The following GARNL3 variants were observed in gnomAD, a reference collection of about 807,000 sequenced individuals.
The protein encoded by GARNL3 is GTPase activating Rap/RanGAP domain like 3, also known as GTPase-activating Rap/Ran-GAP domain-like protein 3.
A neutral mutation model predicts 125.0 loss-of-function variants in GARNL3; 63 were observed. That is an observed-to-expected ratio of 0.50 (90% CI 0.41 to 0.62). The LOEUF is 0.62. Among genes scored for constraint, GARNL3 ranks in the 20% least tolerant of loss-of-function variants. The probability of loss-of-function intolerance (pLI) is 0.00; values close to 1 mark genes in which losing one functional copy is unlikely to be tolerated. For missense variants in GARNL3, 994 were observed against 1,244.0 expected (o/e 0.80, Z 3.02); for synonymous variants, 439 against 457.5 (o/e 0.96, Z 0.52).
chr9:127,333,217 G>A (rs1829362757), intron 9 of GARNL3, 96 bp downstream of exon 9: 1 of 938,180 alleles, frequency 1.1e-6, no homozygotes, highest in African/African-American at 1.6e-5. Context: ...AGGGGGAAGG[G>A]ATGGATGAGA....
Position 127,383,430 on chromosome 9 carries a change from C to T in GARNL3, c.2162-8C>T, listed in dbSNP as rs758165110. 4.4e-6 allele frequency: 7 copies of T among 1,575,830 alleles called. No homozygotes were observed. In the African/African-American group the frequency reaches 9.5e-5, roughly 21 times the overall value. ...AACAAAAATGAGTTGCTGTTGTTTT[C>T]ATTGCAGACAGTTGCATCTATAAAA... On this transcript the variant is annotated splice_polypyrimidine_tract_variant and splice_region_variant and intron_variant, in intron 22 of 27. Coordinates refer to ENST00000373387, the MANE Select transcript of GARNL3 (RefSeq NM_032293.5).
At chr9:127,387,015 A>T in intron 24 of GARNL3, 178 bp from the exon 25 acceptor site, 1 of 544,046 alleles carries the variant, frequency 1.8e-6, no homozygotes, top group Non-Finnish European at 3.2e-6. Flanking sequence ...AAGTGTAACT[A>T]GCCACGCTGG....
intron 17 of GARNL3, chr9:127,353,572 C>A: frequency 3.5e-6 from 1 of 283,032 alleles, no homozygotes. Flanking sequence ...CTTTGATGAA[C>A]AAAAATAGCG....
At chr9:127,356,786 C>T (rs1227248545) in intron 20 of GARNL3, among the ~76,000 whole-genome samples, 1 of 152,170 alleles carries the variant, frequency 6.6e-6, no homozygotes, top group Non-Finnish European at 1.5e-5. Context: ...CCTCAGTTTC[C>T]TCATCTGTAA....
At chr9:127,278,794 C>A (rs1228401024) in intron 1 of GARNL3, among the ~76,000 whole-genome samples, 1 of 152,124 alleles carries the variant, frequency 6.6e-6, no homozygotes, top group East Asian at 1.9e-4. Flanking sequence ...GGGAAGAATC[C>A]TTCCTTGCCT....
intron 21 of GARNL3, among the ~76,000 whole-genome samples, chr9:127,358,629 G>A (rs1830813492): frequency 6.6e-6 from 1 of 152,230 alleles, no homozygotes; most frequent in Admixed American, 6.5e-5. Flanking sequence ...AACTGTAGTT[G>A]TGATTAGGAG....
At chr9:127,338,466 C>G (rs1829674516) in intron 12 of GARNL3, among the ~76,000 whole-genome samples, 2 of 152,186 alleles carry the variant, frequency 1.3e-5, no homozygotes, top group Non-Finnish European at 2.9e-5. Flanking sequence ...GCTTATCTTT[C>G]TGTTCTCAAA....
upstream of GARNL3, chr9:127,264,032 C>A: frequency 7.4e-7 from 1 of 1,345,396 alleles, no homozygotes; most frequent in Non-Finnish European, 1.0e-6. Context: ...CATGTTAGAT[C>A]CCAAATGTTT....
chr9:127,235,189 T>A (rs975799825), intron 1 of GARNL3, among the ~76,000 whole-genome samples: 1 of 151,302 alleles, frequency 6.6e-6, no homozygotes, highest in East Asian at 1.9e-4. Context: ...TTTTTTCCCA[T>A]ACTGTCTTCA....
At chr9:127,320,999 T>C (rs757599674) in intron 6 of GARNL3, among the ~76,000 whole-genome samples, 9 of 152,222 alleles carry the variant, frequency 5.9e-5, no homozygotes, top group Non-Finnish European at 1.2e-4. Context: ...CAAGTGATTC[T>C]AATGCGTAGC....
chr9:127,286,868 G>A (rs138397065), intron 1 of GARNL3, among the ~76,000 whole-genome samples: 4 of 152,232 alleles, frequency 2.6e-5, no homozygotes, highest in East Asian at 1.9e-4. Context: ...GGCTTAGAAC[G>A]TCACAGTGCG....
chr9:127,263,917 C>T (rs1249969462), upstream of GARNL3: 1 of 1,485,398 alleles, frequency 6.7e-7, no homozygotes, highest in Non-Finnish European at 8.9e-7. Context: ...GGTTGCTAAA[C>T]ATCAGAGTCA....
At chr9:127,286,888 A>G (rs1336920493) in intron 1 of GARNL3, among the ~76,000 whole-genome samples, 2 of 152,076 alleles carry the variant, frequency 1.3e-5, no homozygotes, top group Non-Finnish European at 2.9e-5. Flanking sequence ...GGTAAAAAAC[A>G]ACAAGTTTAT....
chr9:127,316,626 T>C (rs2065247063), intron 4 of GARNL3, among the ~76,000 whole-genome samples: 1 of 152,160 alleles, frequency 6.6e-6, no homozygotes, highest in South Asian at 2.1e-4. Context: ...ATTTAATCTC[T>C]GTAGCACAAA....
intron 13 of GARNL3, among the ~76,000 whole-genome samples, chr9:127,340,646 C>T (rs911386797): frequency 1.3e-5 from 2 of 149,330 alleles, no homozygotes; most frequent in Non-Finnish European, 3.0e-5. Context: ...TCTAGAATGC[C>T]CCTCTCTTCA....
Position 127,385,105 on chromosome 9 carries a change from A to G in GARNL3, c.2348A>G (p.His783Arg). The G allele has an allele frequency of 6.2e-7, 1 of 1,611,758 alleles. No homozygotes were observed. Among genetic ancestry groups the G allele is most frequent in the East Asian group, 2.2e-5 (1 of 44,766 alleles). The change falls in exon 24 of 28, where the codon CAC becomes CGC. Residue 783 changes from histidine to arginine, a missense_variant. By Grantham distance (29) the His-to-Arg change is conservative (BLOSUM62 0). Around this residue, in one of 5 missense-constraint regions of GARNL3, gnomAD observed 728 missense variants for 865.7 expected, o/e 0.84. Coordinates refer to ENST00000373387, the MANE Select transcript of GARNL3 (RefSeq NM_032293.5). This position sits in a 1 kb window ranked among gnomAD's most constrained non-coding sequence, Gnocchi z 4.1. Reference sequence around the variant, plus strand: ...CTGGTGGTGAACGGGAACCTGGTCCACACTGCAGTCGTGCCGCAGCTGCAG... The same window carrying G: ...CTGGTGGTGAACGGGAACCTGGTCCGCACTGCAGTCGTGCCGCAGCTGCAG... ...IRLVVNGNLV[H>R]TAVVPQLQLV...
chr9:127,242,712 T>C lies in GARNL3; in HGVS notation c.-28-367T>C, dbSNP rs541528499. 6.6e-6 allele frequency among the ~76,000 whole-genome samples: 1 copy of C among 152,330 alleles called. No homozygotes were observed. Among genetic ancestry groups the C allele is most frequent in the Non-Finnish European group, 1.5e-5 (1 of 68,022 alleles). On this transcript the variant is annotated intron_variant, in intron 1 of 10. Coordinates refer to the GARNL3 transcript ENST00000439286. The surrounding 1 kb of genome is among the most constrained non-coding windows in gnomAD (Gnocchi z 4.6). ...TACCCCAGTAATGGCCATGAAGTCC[T>C]ACCACCGGTGATTCTCCAGAAGCAT...
At chr9:127,356,045 G>A (rs1397262934) in intron 20 of GARNL3, among the ~76,000 whole-genome samples, 1 of 152,208 alleles carries the variant, frequency 6.6e-6, no homozygotes, top group Non-Finnish European at 1.5e-5. Flanking sequence ...AAGGCAGGCA[G>A]GTCAGAGAGA....
intron 14 of GARNL3, 99 bp downstream of exon 14, chr9:127,342,433 G>GA: frequency 1.3e-6 from 1 of 780,356 alleles, no homozygotes; most frequent in Non-Finnish European, 2.2e-6. Flanking sequence ...AAAAGCGTAG[G>GA]AGGCGCCTTG....
Sources: allele counts gnomAD v4.1 joint callset (sites outside exome capture counted in the v4.1 genomes callset), GRCh38; gene constraint gnomAD v4.1.1; regional missense constraint gnomAD v4.1.1; non-coding constraint Gnocchi (gnomAD v3.1); transcripts MANE v1.5; gene names NCBI Gene and HGNC (gene_info 2026-07-23, HGNC 2026-07-21).